Variants in LAMA3 observed in about 807,000 individuals in gnomAD.
The protein encoded by LAMA3 is laminin subunit alpha 3.
Under a neutral mutation model 402.0 loss-of-function variants are expected in LAMA3, and 281 were observed. That is an observed-to-expected ratio of 0.70 (90% CI 0.63 to 0.77). The LOEUF is 0.77. Ranked by LOEUF, LAMA3 falls within the 30% of genes least tolerant of loss-of-function variation. LAMA3 has a pLI of 0.00. For missense variants in LAMA3, 3,840 were observed against 4,215.5 expected (o/e 0.91, Z 2.47); for synonymous variants, 1,431 against 1,558.4 (o/e 0.92, Z 1.93).
At chr18:23,883,796 G>A (rs1035977295) in intron 40 of LAMA3, among the ~76,000 whole-genome samples, 5 of 152,232 alleles carry the variant, frequency 3.3e-5, no homozygotes, top group Non-Finnish European at 7.3e-5. Context: ...TTTGCAAAGC[G>A]TAGTAGCATC....
rs755425813 is a variant in LAMA3 at position 23,951,671 on chromosome 18, A to G, written c.9643-13A>G. On this transcript the variant is annotated splice_polypyrimidine_tract_variant and intron_variant, in intron 72 of 74. Transcript: ENST00000313654. The stretch of plus-strand genomic sequence containing the variant: ...CTTCCTGAAGGAAATAGGAAAATGC[A>G]TGTGTGTTCCAGGTCACGGCCTCTA... 1.0e-4 allele frequency: 166 copies of G among 1,609,922 alleles called. No individual in the cohort carries two copies. The highest frequency in any genetic ancestry group is 1.4e-4 in the Non-Finnish European group (159 of 1,176,540).
chr18:23,826,250 T>C (rs78396440), intron 21 of LAMA3, among the ~76,000 whole-genome samples: 7,756 of 152,318 alleles, frequency 0.051, 258 homozygotes, highest in Admixed American at 0.075. Context: ...AGTTCCATTC[T>C]GTGAATCACC....
chr18:23,901,212 A>T lies in LAMA3; in HGVS notation c.6090A>T (p.Glu2030Asp). 1 of 1,614,206 alleles carries T rather than the reference A, an allele frequency of 6.2e-7. No homozygotes were observed. The highest frequency in any genetic ancestry group is 1.1e-5 in the South Asian group (1 of 91,082). Residue 2030 changes from glutamate to aspartate, a missense_variant, in exon 48 of 75, where the codon GAA (glutamate) becomes GAT (aspartate). Glu to Asp is a conservative substitution (Grantham distance 45, BLOSUM62 2). This residue lies in a region of LAMA3 where 891 missense variants were observed against 857.5 expected (regional missense o/e 1.04). Coordinates refer to ENST00000313654, the MANE Select transcript of LAMA3 (RefSeq NM_198129.4). ...ACAGTATCCGGGATTCTTTAAATGA[A>T]TACGAAGCCAAACTCAGTGACCTTC... Reference protein sequence around the residue: ...LANSIRDSLNEYEAKLSDLRA... With the variant: ...LANSIRDSLNDYEAKLSDLRA...
chr18:23,846,644 A>T, intron 31 of LAMA3, 136 bp downstream of exon 31: 1 of 872,642 alleles, frequency 1.1e-6, no homozygotes, highest in Non-Finnish European at 1.8e-6. Flanking sequence ...CTGATTCAGG[A>T]GACTGGGCTG....
chr18:23,897,653 T>C (rs569628050), intron 44 of LAMA3, among the ~76,000 whole-genome samples: 1 of 152,320 alleles, frequency 6.6e-6, no homozygotes, highest in South Asian at 2.1e-4. Context: ...AAGACCATGC[T>C]TTACCCACTC....
chr18:23,911,469 T>C (rs939255993), intron 55 of LAMA3, among the ~76,000 whole-genome samples: 1 of 152,188 alleles, frequency 6.6e-6, no homozygotes, highest in African/African-American at 2.4e-5. Context: ...CTTTGAACAA[T>C]TTGAATTGCC....
chr18:23,846,539 T>G (rs1375180483), intron 31 of LAMA3, 31 bp downstream of exon 31: 2 of 1,579,562 alleles, frequency 1.3e-6, no homozygotes, highest in South Asian at 2.2e-5. Context: ...ACCCAAGTTC[T>G]GCTCTGGTCC....
rs555150709 is a variant in LAMA3 at position 23,699,189 on chromosome 18, A to G, written c.294+9212A>G. 8.5e-5 allele frequency among the ~76,000 whole-genome samples: 13 copies of G among 152,348 alleles called. No homozygotes were observed. In the East Asian group the frequency reaches 2.5e-3, roughly 29 times the overall value. On this transcript the variant is annotated intron_variant, in intron 1 of 74. Transcript: ENST00000313654. ...GGCCTGAGGCCCCTGAGGCGGGAAC[A>G]TGCTTGGTGTGTTCCAGGAACTCAG...
At chr18:23,733,758 A>T (rs2061430568) in intron 2 of LAMA3, among the ~76,000 whole-genome samples, 2 of 152,170 alleles carry the variant, frequency 1.3e-5, no homozygotes, top group African/African-American at 4.8e-5. Flanking sequence ...TTTTAGTGCT[A>T]AAACCAGGAC....
chr18:23,831,710 T>G (rs1348139601), intron 23 of LAMA3, among the ~76,000 whole-genome samples: 1 of 152,232 alleles, frequency 6.6e-6, no homozygotes, highest in Non-Finnish European at 1.5e-5. Flanking sequence ...GCTGGTGGAC[T>G]GGCATAGCAT....
At chr18:23,797,358 C>CT (rs1313387106) in intron 12 of LAMA3, among the ~76,000 whole-genome samples, 2 of 152,090 alleles carry the variant, frequency 1.3e-5, no homozygotes, top group Admixed American at 1.3e-4. Flanking sequence ...GGTGTATCAG[C>CT]TGACCCAGTA....
In LAMA3 at chr18:23,871,599, C is replaced by A; in HGVS notation, c.4936C>A (p.Arg1646Ser). The part of the protein sequence containing the change: ...LEEASDTGSG[R>S]IALAVEICAC... ...GGAAGCCTCTGACACAGGAAGTGGG[C>A]GCATAGCACTTGCTGTGGAAATCTG... Residue 1646 changes from arginine (R) to serine (S), a missense_variant, in exon 38 of 75, where the codon CGC becomes AGC. By Grantham distance (110) the Arg-to-Ser change is moderately radical. Transcript: ENST00000313654. 4 of 1,613,980 alleles carry A rather than the reference C, an allele frequency of 2.5e-6. No homozygotes were observed. Among genetic ancestry groups the A allele is most frequent in the African/African-American group, 1.3e-5 (1 of 75,042 alleles).
chr18:23,699,024 T>TAGAGAGAGAG lies in LAMA3; in HGVS notation c.294+9069_294+9078dup, dbSNP rs34691495. On this transcript the variant is annotated intron_variant, in intron 1 of 74. Transcript: ENST00000313654. The stretch of plus-strand genomic sequence containing the variant: ...AGTTTGGGAGGCTGAGGCGGGCAGA[T>TAGAGAGAGAG]AGAGAGAGAGAGAGAGAGAGAGAGA... 3.7e-3 allele frequency among the ~76,000 whole-genome samples: 528 copies of TAGAGAGAGAG among 142,542 alleles called. 3 individuals carry two copies. Among genetic ancestry groups the TAGAGAGAGAG allele is most frequent in the African/African-American group, 0.013 (467 of 37,244 alleles). The allele number at this position is 142,542 out of a possible 152,430, so 93.5% of individuals were successfully genotyped here. A position where few individuals can be genotyped will look rare whatever the true frequency, so the allele number is the denominator to read the frequency against.
At chr18:23,920,458 G>A (rs2081792494) in intron 60 of LAMA3, among the ~76,000 whole-genome samples, 1 of 152,050 alleles carries the variant, frequency 6.6e-6, no homozygotes, top group African/African-American at 2.4e-5. Context: ...TCCTGTGTAG[G>A]ATCCCCGAGG....
In LAMA3 at chr18:23,777,594, A is replaced by C. The variant is rs552518935; in HGVS notation, c.1443A>C (p.Glu481Asp). The change falls in exon 11 of 75, where the codon GAA becomes GAC. Residue 481 changes from glutamate to aspartate, a missense_variant. Glu to Asp is a conservative substitution (Grantham distance 45). This residue lies in a region of LAMA3 where 2,109 missense variants were observed against 2,376.0 expected (regional missense o/e 0.89). Transcript: ENST00000313654. ...PIFPVSTPSS[E>D]DPVAGDIKGC... ...TTCCTGTTTCTACACCAAGTTCAGA[A>C]GATCCAGTAGCTGGAGATATAAAAG... The C allele has an allele frequency of 2.9e-5, 47 of 1,612,366 alleles. No homozygotes were observed. The highest frequency in any genetic ancestry group is 6.7e-5 in the Admixed American group (4 of 60,012).
chr18:23,707,177 G>T (rs1330677501), intron 1 of LAMA3, among the ~76,000 whole-genome samples: 2 of 152,242 alleles, frequency 1.3e-5, no homozygotes, highest in African/African-American at 4.8e-5. Flanking sequence ...GTCAGTTGGG[G>T]TAACTCACTT....
intron 7 of LAMA3, among the ~76,000 whole-genome samples, chr18:23,762,588 A>G (rs1568157550): frequency 7.1e-6 from 1 of 141,304 alleles, no homozygotes; most frequent in Non-Finnish European, 1.6e-5. Context: ...GACTGTCACC[A>G]AAAAAAAAAA....
Position 23,901,093 on chromosome 18 carries a change from T to C in LAMA3, c.6005-34T>C, listed in dbSNP as rs1268485197. 1.9e-6 allele frequency: 3 copies of C among 1,577,178 alleles called. No individual in the cohort carries two copies. The Admixed American group carries it at 5.0e-5, about 26-fold the overall frequency. On this transcript the variant is annotated intron_variant, in intron 47 of 74. Coordinates refer to ENST00000313654, the MANE Select transcript of LAMA3 (RefSeq NM_198129.4). ...ATAACCCAGCTTCAGTATGCTCATC[T>C]GTCAAATAGAAAACATGAGGTGATG... is the stretch of plus-strand genomic sequence containing the variant.
chr18:23,872,266 T>C (rs1255987442), intron 38 of LAMA3, among the ~76,000 whole-genome samples: 2 of 152,184 alleles, frequency 1.3e-5, no homozygotes, highest in Non-Finnish European at 2.9e-5. Flanking sequence ...CTGGATTTCT[T>C]AGAGGACATT....
Sources: gnomAD v4.1 joint callset for allele counts (sites outside exome capture counted in the v4.1 genomes callset) on GRCh38, gnomAD v4.1.1 for gene constraint, gnomAD v4.1.1 regional missense constraint, MANE v1.5 for transcripts, NCBI Gene and HGNC (gene_info 2026-07-23, HGNC 2026-07-21) for gene names.